Variants in EVX2 observed in about 807,000 individuals in gnomAD.
EVX2 encodes homeobox even-skipped homolog protein 2.
EVX2 carries 10 observed loss-of-function variants against 19.2 expected under a neutral mutation model. The ratio of observed to expected loss-of-function variants is 0.52; its 90% confidence interval spans 0.32 to 0.89. The LOEUF (loss-of-function observed/expected upper bound fraction) is 0.89. EVX2 is among the 40% of genes least tolerant of loss of function. The pLI is 0.03. For synonymous variants in EVX2, 354 were observed against 328.4 expected, an observed-to-expected ratio of 1.08 and a Z score of -0.84; for missense variants, 710 against 694.9, an observed-to-expected ratio of 1.02 and a Z score of -0.24.
In EVX2 at chr2:176,082,026, A is replaced by C; in HGVS notation, c.699+152T>G. The C allele has an allele frequency of 1.1e-6, 1 of 877,666 alleles. No homozygotes were observed. Among genetic ancestry groups the C allele is most frequent in the Non-Finnish European group, 1.6e-6 (1 of 609,948 alleles). 54.4% of individuals were successfully genotyped at this position (877,666 alleles called of 1,614,324 possible). On this transcript the variant is annotated intron_variant, in intron 2 of 2. Coordinates refer to ENST00000308618, the MANE Select transcript of EVX2 (RefSeq NM_001080458.2). This position sits in a 1 kb window ranked among gnomAD's most constrained non-coding sequence, Gnocchi z 5.2. Reference sequence around the variant, plus strand: ...AACCGTTCGGATTCGGTGGCCGGGAAATAAATAAGCCAATTCCTTTGGTGA... The same window carrying C: ...AACCGTTCGGATTCGGTGGCCGGGACATAAATAAGCCAATTCCTTTGGTGA...
At position 176,083,735 on chromosome 2, in the gene EVX2, T is replaced by C. The variant is rs1559104009; in HGVS notation, c.42A>G (p.Arg14=). 1 of 1,613,512 alleles carries C rather than the reference T, an allele frequency of 6.2e-7. No homozygotes were observed. The highest frequency in any genetic ancestry group is 8.5e-7 in the Non-Finnish European group (1 of 1,179,878). ...TGCCCGCCGTAGGGCTGTGCAGCCC[T>C]CTCTCCATCAGAATCATCTCTTTTC... ...RIRKEMILME[R]GLHSPTAGKR... is the part of the protein sequence containing the mutation. The change falls in exon 1 of 3, where the codon AGA becomes AGG. Residue 14 remains arginine, a synonymous_variant. Transcript: ENST00000308618. The surrounding 1 kb of genome is among the most constrained non-coding windows in gnomAD (Gnocchi z 4.4).
rs1689170903 is a variant in EVX2, at chr2:176,083,052, G to A, written c.427+298C>T. ...AAAGCAACTCGGCTGCTGACTAGGG[G>A]TCTACCGGCTCGCTCGGGCTCTTAG... On this transcript the variant is annotated intron_variant, in intron 1 of 2. Transcript: ENST00000308618. This position sits in a 1 kb window ranked among gnomAD's most constrained non-coding sequence, Gnocchi z 4.4. Among the ~76,000 whole-genome samples the A allele has an allele frequency of 6.6e-6, 1 of 152,208 alleles. No individual in the cohort carries two copies. Among genetic ancestry groups the A allele is most frequent in the South Asian group, 2.1e-4 (1 of 4,834 alleles).
In EVX2 at chr2:176,081,926, A is replaced by C. The variant is rs150772175; in HGVS notation, c.699+252T>G. On this transcript the variant is annotated intron_variant, in intron 2 of 2. Coordinates refer to ENST00000308618, the MANE Select transcript of EVX2 (RefSeq NM_001080458.2). The surrounding 1 kb of genome is among the most constrained non-coding windows in gnomAD (Gnocchi z 5.9). ...GGGGGCATCTGGCCAGGCGTTGGGC[A>C]CAATGGAGCAGGGGCGAGTGCTTTC... Among the ~76,000 whole-genome samples, 1,102 of 152,346 alleles carry C rather than the reference A, an allele frequency of 7.2e-3. 10 individuals carry two copies. Among genetic ancestry groups the C allele is most frequent in the African/African-American group, 0.025 (1,026 of 41,588 alleles).
In EVX2 at chr2:176,080,819, CG is replaced by C; in HGVS notation, c.718del (p.Arg240AlafsTer2). 6.2e-7 allele frequency: 1 copy of C among 1,611,812 alleles called. No homozygotes were observed. The highest frequency in any genetic ancestry group is 8.5e-7 in the Non-Finnish European group (1 of 1,179,488). On this transcript the variant is annotated frameshift_variant, in exon 3 of 3. Coordinates refer to ENST00000308618, the MANE Select transcript of EVX2 (RefSeq NM_001080458.2). LOFTEE classifies it high-confidence loss of function. This position sits in a 1 kb window ranked among gnomAD's most constrained non-coding sequence, Gnocchi z 7.0. Reference protein sequence around the residue: ...TTIKVWFQNRRMKDKRQRLAM... With the variant: ...TTIKVWFQNRXMKDKRQRLAM... ...CAGGCGCTGCCGCTTGTCCTTCATG[CG>C]CCGGTTCTGGAACCACACCTGCGGG...
In EVX2 at chr2:176,079,987, G is replaced by C; in HGVS notation, c.*120C>G. The stretch of plus-strand genomic sequence containing the variant: ...GGTTCCCTTCGGCCTCCCGCGCCCC[G>C]GGGCGCCCCCTGGCGGCAGCGGCAG... On this transcript the variant is annotated 3_prime_UTR_variant, in exon 3 of 3. Coordinates refer to ENST00000308618, the MANE Select transcript of EVX2 (RefSeq NM_001080458.2). The surrounding 1 kb of genome is among the most constrained non-coding windows in gnomAD (Gnocchi z 4.4). 7 of 1,175,408 alleles carry C rather than the reference G, an allele frequency of 6.0e-6. No individual in the cohort carries two copies. Among genetic ancestry groups the C allele is most frequent in the South Asian group, 2.8e-5 (1 of 35,324 alleles). The allele number at this position is 1,175,408 out of a possible 1,614,324, so 72.8% of individuals were successfully genotyped here.
rs1338760185 is a variant in EVX2, at chr2:176,083,440, C to T, written c.337G>A (p.Asp113Asn). 6.2e-7 allele frequency: 1 copy of T among 1,614,018 alleles called. No individual in the cohort carries two copies. Among genetic ancestry groups the T allele is most frequent in the Non-Finnish European group, 8.5e-7 (1 of 1,179,990 alleles). Residue 113 changes from aspartate (D) to asparagine (N), a missense_variant, in exon 1 of 3, where the codon GAC becomes AAC. Coordinates refer to ENST00000308618, the MANE Select transcript of EVX2 (RefSeq NM_001080458.2). The surrounding 1 kb of genome is among the most constrained non-coding windows in gnomAD (Gnocchi z 4.4). ...CCCACCTCCACGTCGCTGCTCATGT[C>T]GGCCTCAGCGGCCGCCTCTGAATAA... The part of the protein sequence containing the change: ...GHYSEAAAEA[D>N]MSSDVEVGCS...
In EVX2 at chr2:176,080,454, C is replaced by T; in HGVS notation, c.1084G>A (p.Ala362Thr). The T allele has an allele frequency of 8.4e-7, 1 of 1,192,878 alleles. No individual in the cohort carries two copies. Among genetic ancestry groups the T allele is most frequent in the Non-Finnish European group, 1.0e-6 (1 of 964,942 alleles). 73.9% of individuals were successfully genotyped at this position (1,192,878 alleles called of 1,614,324 possible). A position where few individuals can be genotyped will look rare whatever the true frequency, so the allele number is the denominator to read the frequency against. The change falls in exon 3 of 3, where the codon GCC becomes ACC. Residue 362 changes from alanine (A) to threonine (T), a missense_variant. Ala to Thr is a moderately conservative substitution (Grantham distance 58, BLOSUM62 0). Coordinates refer to ENST00000308618, the MANE Select transcript of EVX2 (RefSeq NM_001080458.2). The surrounding 1 kb of genome is among the most constrained non-coding windows in gnomAD (Gnocchi z 7.0). ...GLNSAASAAA[A>T]AAAAAAAASS... is the part of the protein sequence containing the mutation. ...GCCGCAGCCGCTGCGGCTGCCGCGGCTGCCGCGGCAGAGGCCGCGCTGTTG... is the reference window on the plus strand; with the variant it reads ...GCCGCAGCCGCTGCGGCTGCCGCGGTTGCCGCGGCAGAGGCCGCGCTGTTG...
rs979895467 is a variant in EVX2, at chr2:176,078,395, T to A, written c.*1712A>T. ...ATACCCACTTCGCTGGGTCTAAACA[T>A]GCACTAGCAAGTTATTTTAGGGCTT... On this transcript the variant is annotated 3_prime_UTR_variant, in exon 3 of 3. Coordinates refer to ENST00000308618, the MANE Select transcript of EVX2 (RefSeq NM_001080458.2). The A allele has an allele frequency of 6.6e-6, 1 of 152,200 alleles. No homozygotes were observed. Among genetic ancestry groups the A allele is most frequent in the Non-Finnish European group, 1.5e-5 (1 of 68,040 alleles). 9.4% of individuals were successfully genotyped at this position (152,200 alleles called of 1,614,324 possible). A position where few individuals can be genotyped will look rare whatever the true frequency, so the allele number is the denominator to read the frequency against.
rs1689145404 is a variant in EVX2 at position 176,081,410 on chromosome 2, T to C, written c.700-572A>G. On this transcript the variant is annotated intron_variant, in intron 2 of 2. Coordinates refer to ENST00000308618, the MANE Select transcript of EVX2 (RefSeq NM_001080458.2). The surrounding 1 kb of genome is among the most constrained non-coding windows in gnomAD (Gnocchi z 5.9). ...GTCTCCATAAACGGGGAAGGGGACGTTTCCACCCCTCCCAACACTATCTAA... is the reference window on the plus strand; with the variant it reads ...GTCTCCATAAACGGGGAAGGGGACGCTTCCACCCCTCCCAACACTATCTAA... Among the ~76,000 whole-genome samples, 1 of 152,108 alleles carries C rather than the reference T, an allele frequency of 6.6e-6. No individual in the cohort carries two copies. Among genetic ancestry groups the C allele is most frequent in the East Asian group, 1.9e-4 (1 of 5,174 alleles).
chr2:176,083,733 C>T lies in EVX2; in HGVS notation c.44G>A (p.Gly15Glu). The T allele has an allele frequency of 6.2e-7, 1 of 1,613,732 alleles. No individual in the cohort carries two copies. The highest frequency in any genetic ancestry group is 1.1e-5 in the South Asian group (1 of 91,088). ...IRKEMILMER[G>E]LHSPTAGKRF... ...CTTGCCCGCCGTAGGGCTGTGCAGCCCTCTCTCCATCAGAATCATCTCTTT... is the reference window on the plus strand; with the variant it reads ...CTTGCCCGCCGTAGGGCTGTGCAGCTCTCTCTCCATCAGAATCATCTCTTT... Residue 15 changes from glycine to glutamate, a missense_variant, in exon 1 of 3, where the codon GGG becomes GAG. Physicochemically the swap from Gly to Glu is moderately conservative, Grantham distance 98. Transcript: ENST00000308618. This position sits in a 1 kb window ranked among gnomAD's most constrained non-coding sequence, Gnocchi z 4.4.
chr2:176,081,432 C>T lies in EVX2; in HGVS notation c.700-594G>A, dbSNP rs1462004107. 1.3e-5 allele frequency among the ~76,000 whole-genome samples: 2 copies of T among 152,176 alleles called. No homozygotes were observed. The highest frequency in any genetic ancestry group is 1.9e-4 in the East Asian group (1 of 5,176). On this transcript the variant is annotated intron_variant, in intron 2 of 2. Coordinates refer to ENST00000308618, the MANE Select transcript of EVX2 (RefSeq NM_001080458.2). The surrounding 1 kb of genome is among the most constrained non-coding windows in gnomAD (Gnocchi z 5.9). ...ACGTTTCCACCCCTCCCAACACTATCTAATAAAGACATCATTCGTCACAAC... is the reference window on the plus strand; with the variant it reads ...ACGTTTCCACCCCTCCCAACACTATTTAATAAAGACATCATTCGTCACAAC...
rs1203399794 is a variant in EVX2, at chr2:176,080,635, G to C, written c.903C>G (p.Ala301=). The stretch of plus-strand genomic sequence containing the variant: ...ACGAAGCCGCGGCCGCCGCGCCTGA[G>C]GCTGCAGCCGCGGCCGCCGCCGCCG... ...GVTAAAAAAA[A]SGAAAAASSP... is the part of the protein sequence containing the mutation. Residue 301 remains alanine, a synonymous_variant, in exon 3 of 3, where the codon GCC becomes GCG. Coordinates refer to ENST00000308618, the MANE Select transcript of EVX2 (RefSeq NM_001080458.2). The surrounding 1 kb of genome is among the most constrained non-coding windows in gnomAD (Gnocchi z 7.0). 2 of 1,552,154 alleles carry C rather than the reference G, an allele frequency of 1.3e-6. No individual in the cohort carries two copies. Among genetic ancestry groups the C allele is most frequent in the African/African-American group, 1.4e-5 (1 of 72,470 alleles).
chr2:176,083,648 C>T lies in EVX2; in HGVS notation c.129G>A (p.Ser43=), dbSNP rs751093613. 3.1e-6 allele frequency: 5 copies of T among 1,614,150 alleles called. No individual in the cohort carries two copies. The highest frequency in any genetic ancestry group is 2.5e-6 in the Non-Finnish European group (3 of 1,180,038). The stretch of plus-strand genomic sequence containing the variant: ...GCGGGCTTAGGCGAGCCGGGTGCTG[C>T]GAATTTTCCAGGGCCTCGAGCACAG... ...GNAVLEALEN[S]QHPARLSPRL... The change falls in exon 1 of 3, where the codon TCG becomes TCA. Residue 43 remains serine, a synonymous_variant. Coordinates refer to ENST00000308618, the MANE Select transcript of EVX2 (RefSeq NM_001080458.2). The surrounding 1 kb of genome is among the most constrained non-coding windows in gnomAD (Gnocchi z 4.4).
At position 176,082,416 on chromosome 2, in the gene EVX2, G is replaced by A. The variant is rs1352208314; in HGVS notation, c.461C>T (p.Thr154Met). 6.4e-7 allele frequency: 1 copy of A among 1,572,546 alleles called. No homozygotes were observed. The highest frequency in any genetic ancestry group is 8.6e-7 in the Non-Finnish European group (1 of 1,163,342). ...YAESGSAAGT[T>M]TSASGSGLGS... ...GAGGCCTGAGCCCGACGCCGACGTC[G>A]TGGTGCCGGCAGCCGAGCCGCTCTC... is the stretch of plus-strand genomic sequence containing the variant. The change falls in exon 2 of 3, where the codon ACG becomes ATG. Residue 154 changes from threonine (T) to methionine (M), a missense_variant. Coordinates refer to ENST00000308618, the MANE Select transcript of EVX2 (RefSeq NM_001080458.2). The surrounding 1 kb of genome is among the most constrained non-coding windows in gnomAD (Gnocchi z 5.2).
In EVX2 at chr2:176,080,808, T is replaced by C; in HGVS notation, c.730A>G (p.Lys244Glu). The stretch of plus-strand genomic sequence containing the variant: ...CAGGACATGGCCAGGCGCTGCCGCT[T>C]GTCCTTCATGCGCCGGTTCTGGAAC... ...VWFQNRRMKD[K>E]RQRLAMSWPH... Residue 244 changes from lysine (K) to glutamate (E), a missense_variant, in exon 3 of 3, where the codon AAG (lysine) becomes GAG (glutamate). By Grantham distance (56) the Lys-to-Glu change is moderately conservative. Transcript: ENST00000308618. The surrounding 1 kb of genome is among the most constrained non-coding windows in gnomAD (Gnocchi z 7.0). 6.2e-7 allele frequency: 1 copy of C among 1,612,296 alleles called. No homozygotes were observed.
rs1038165850 is a variant in EVX2 at position 176,077,937 on chromosome 2, TAAAAAC to T, written c.*2164_*2169del. On this transcript the variant is annotated 3_prime_UTR_variant, in exon 3 of 3. Transcript: ENST00000308618. ...TTTTACATAAGTAGTCTCATGTTTT[TAAAAAC>T]AAAAACAAAAACTTAAGTTTTAGAT... 2 of 152,178 alleles carry T rather than the reference TAAAAAC, an allele frequency of 1.3e-5. No homozygotes were observed. The highest frequency in any genetic ancestry group is 2.9e-5 in the Non-Finnish European group (2 of 67,988). The allele number at this position is 152,178 out of a possible 1,614,324, so 9.4% of individuals were successfully genotyped here.
At position 176,083,654 on chromosome 2, in the gene EVX2, T is replaced by C. The variant is rs781151618; in HGVS notation, c.123A>G (p.Glu41=). ...SAGNAVLEAL[E]NSQHPARLSP... ...TTAGGCGAGCCGGGTGCTGCGAATT[T>C]TCCAGGGCCTCGAGCACAGCATTGC... The change falls in exon 1 of 3, where the codon GAA becomes GAG. Residue 41 remains glutamate, a synonymous_variant. Coordinates refer to ENST00000308618, the MANE Select transcript of EVX2 (RefSeq NM_001080458.2). The surrounding 1 kb of genome is among the most constrained non-coding windows in gnomAD (Gnocchi z 4.4). The C allele has an allele frequency of 6.2e-7, 1 of 1,614,196 alleles. No homozygotes were observed. Among genetic ancestry groups the C allele is most frequent in the East Asian group, 2.2e-5 (1 of 44,878 alleles).
Position 176,083,641 on chromosome 2 carries a change from G to T in EVX2, c.136C>A (p.Pro46Thr). The T allele has an allele frequency of 6.2e-7, 1 of 1,614,198 alleles. No individual in the cohort carries two copies. Among genetic ancestry groups the T allele is most frequent in the Non-Finnish European group, 8.5e-7 (1 of 1,180,046 alleles). Reference sequence around the variant, plus strand: ...GGCAGGCGCGGGCTTAGGCGAGCCGGGTGCTGCGAATTTTCCAGGGCCTCG... The same window carrying T: ...GGCAGGCGCGGGCTTAGGCGAGCCGTGTGCTGCGAATTTTCCAGGGCCTCG... The part of the protein sequence containing the change: ...VLEALENSQH[P>T]ARLSPRLPSA... Residue 46 changes from proline (P) to threonine (T), a missense_variant, in exon 1 of 3, where the codon CCG becomes ACG. Transcript: ENST00000308618. This position sits in a 1 kb window ranked among gnomAD's most constrained non-coding sequence, Gnocchi z 4.4.
Position 176,082,471 on chromosome 2 carries a change from G to A in EVX2, c.428-22C>T, listed in dbSNP as rs1689163126. ...TACCCTGGCAAACAAACGACCAACA[G>A]CGCATGAGTGGCTGTAGGACCAACA... On this transcript the variant is annotated intron_variant, in intron 1 of 2. Transcript: ENST00000308618. The surrounding 1 kb of genome is among the most constrained non-coding windows in gnomAD (Gnocchi z 5.2). The A allele has an allele frequency of 6.6e-7, 1 of 1,521,524 alleles. No individual in the cohort carries two copies. The highest frequency in any genetic ancestry group is 8.8e-7 in the Non-Finnish European group (1 of 1,135,888). 94.3% of individuals were successfully genotyped at this position (1,521,524 alleles called of 1,614,324 possible). A position where few individuals can be genotyped will look rare whatever the true frequency, so the allele number is the denominator to read the frequency against.
Sources: allele counts gnomAD v4.1 joint callset (sites outside exome capture counted in the v4.1 genomes callset), GRCh38; gene constraint gnomAD v4.1.1; non-coding constraint Gnocchi (gnomAD v3.1); transcripts MANE v1.5; gene names NCBI Gene and HGNC (gene_info 2026-07-23, HGNC 2026-07-21).